Variants in NUP93 observed in about 807,000 individuals in gnomAD.
The protein encoded by NUP93 is nuclear pore complex protein Nup93.
In NUP93, 55 loss-of-function variants were observed where a neutral mutation model predicts 107.8. The ratio of observed to expected loss-of-function variants is 0.51; its 90% CI spans 0.41 to 0.64. The LOEUF is 0.64. Among genes scored for constraint, NUP93 ranks in the 30% least tolerant of loss-of-function variants. The pLI is 0.00. For synonymous variants in NUP93, 390 were observed against 397.5 expected, an observed-to-expected ratio of 0.98 and a Z score of 0.22; for missense variants, 937 against 1,044.7, an observed-to-expected ratio of 0.90 and a Z score of 1.42.
At chr16:56,776,273 CCTTTT>C (rs1368774857) in intron 3 of NUP93, among the ~76,000 whole-genome samples, 5 of 152,068 alleles carry the variant, frequency 3.3e-5, no homozygotes, top group African/African-American at 1.2e-4. Flanking sequence ...TTTTAATAAA[CCTTTT>C]CTTTCCGTTG....
At chr16:56,779,201 A>T (rs1962468883) in intron 3 of NUP93, among the ~76,000 whole-genome samples, 1 of 152,196 alleles carries the variant, frequency 6.6e-6, no homozygotes, top group South Asian at 2.1e-4. Flanking sequence ...GTAAAGTTCT[A>T]TATATGGTCA....
intron 19 of NUP93, 31 bp from the exon 20 acceptor site, chr16:56,839,490 G>T (rs1259601284): frequency 1.3e-6 from 2 of 1,565,116 alleles, no homozygotes; most frequent in African/African-American, 2.7e-5. Context: ...TGATGGTTGT[G>T]TTACATGGGG....
chr16:56,820,409 A>G (rs1377328779), intron 6 of NUP93, among the ~76,000 whole-genome samples: 1 of 152,208 alleles, frequency 6.6e-6, no homozygotes, highest in African/African-American at 2.4e-5. Context: ...TCTGCCTCCC[A>G]GATTCAAGTG....
Position 56,772,420 on chromosome 16 carries a change from AGTGATGGATTC to A in NUP93, c.297+13768_297+13778del, listed in dbSNP as rs1962338546. ...TTATGCCTTGCTGAGGAAGGCATCA[AGTGATGGATTC>A]GTTGAGTAAATGCCATATTATTCTT... On this transcript the variant is annotated intron_variant, in intron 3 of 21. Coordinates refer to ENST00000308159, the MANE Select transcript of NUP93 (RefSeq NM_014669.5). Among the ~76,000 whole-genome samples, 10 of 152,356 alleles carry A rather than the reference AGTGATGGATTC, an allele frequency of 6.6e-5. No homozygotes were observed. The South Asian group carries it at 2.1e-3, about 32-fold the overall frequency.
chr16:56,763,688 T>C (rs1221891136), intron 3 of NUP93, among the ~76,000 whole-genome samples: 1 of 152,142 alleles, frequency 6.6e-6, no homozygotes, highest in Non-Finnish European at 1.5e-5. Flanking sequence ...AATAGACCTG[T>C]TTTCCCCACA....
At chr16:56,833,194 C>T in intron 12 of NUP93, 21 bp from the exon 13 acceptor site, 1 of 1,542,726 alleles carries the variant, frequency 6.5e-7, no homozygotes, top group Non-Finnish European at 8.7e-7. Flanking sequence ...GTTTTATCTC[C>T]TCTCCTCTCC....
intron 18 of NUP93, among the ~76,000 whole-genome samples, chr16:56,838,516 A>C (rs749707713): frequency 2.6e-5 from 4 of 152,138 alleles, no homozygotes; most frequent in Non-Finnish European, 5.9e-5. Flanking sequence ...TACACTCTTT[A>C]ATTAACTTCA....
chr16:56,839,434 G>T, intron 19 of NUP93, 87 bp from the exon 20 acceptor site: 1 of 1,011,470 alleles, frequency 9.9e-7, no homozygotes, highest in South Asian at 1.7e-5. Context: ...AAGCCCTTTG[G>T]AGTATGTGAG....
At chr16:56,817,377 T>A (rs1192750538) in intron 5 of NUP93, among the ~76,000 whole-genome samples, 1 of 152,220 alleles carries the variant, frequency 6.6e-6, no homozygotes, top group Non-Finnish European at 1.5e-5. Context: ...CCCACTGTAC[T>A]CTTCCTTTTA....
chr16:56,795,557 C>G (rs1387033829), intron 3 of NUP93, among the ~76,000 whole-genome samples: 2 of 152,180 alleles, frequency 1.3e-5, no homozygotes, highest in African/African-American at 4.8e-5. Flanking sequence ...ATCCTACCCC[C>G]GTTATCAGTA....
chr16:56,793,173 G>A (rs546595534), intron 3 of NUP93, among the ~76,000 whole-genome samples: 18 of 152,334 alleles, frequency 1.2e-4, no homozygotes, highest in Non-Finnish European at 1.9e-4. Context: ...ACACATTTGA[G>A]GAGCCAGTCA....
intron 1 of NUP93, among the ~76,000 whole-genome samples, chr16:56,736,999 C>T (rs1961625246): frequency 6.6e-6 from 1 of 152,132 alleles, no homozygotes; most frequent in African/African-American, 2.4e-5. Flanking sequence ...GCTATTCCTT[C>T]TAAAAAACTG....
At position 56,849,161 on chromosome 16, in the gene NUP93, C is replaced by A. The variant is rs1964149179; in HGVS notation, c.*4552C>A. 6.6e-6 allele frequency: 1 copy of A among 152,218 alleles called. No individual in the cohort carries two copies. Among genetic ancestry groups the A allele is most frequent in the African/African-American group, 2.4e-5 (1 of 41,444 alleles). The allele number at this position is 152,218 out of a possible 1,614,324, so 9.4% of individuals were successfully genotyped here. On this transcript the variant is annotated 3_prime_UTR_variant, in exon 22 of 22. Transcript: ENST00000308159. ...GACTCCGTGATTCACCGTGGGGGCC[C>A]TTAATAGGCATTCAGTCTGAAAGAA...
chr16:56,742,020 T>C (rs1010233109), intron 1 of NUP93, among the ~76,000 whole-genome samples: 6 of 152,240 alleles, frequency 3.9e-5, no homozygotes, highest in African/African-American at 1.4e-4. Flanking sequence ...ATTTCTTGCA[T>C]AACTGGGCTG....
At chr16:56,788,211 C>T (rs1429229335) in intron 3 of NUP93, among the ~76,000 whole-genome samples, 4 of 152,178 alleles carry the variant, frequency 2.6e-5, no homozygotes, top group African/African-American at 9.7e-5. Flanking sequence ...CCCCTACCCT[C>T]CCAGGAGAGG....
Position 56,832,466 on chromosome 16 carries a change from T to G in NUP93, c.1345+78T>G, listed in dbSNP as rs1963815919. On this transcript the variant is annotated intron_variant, in intron 12 of 21. Transcript: ENST00000308159. ...TACTTCAGTTTTCCTCTGGGAAAAT[T>G]TTTCATCTCTGAACTTTTGTCTTTC... is the stretch of plus-strand genomic sequence containing the variant. 8.9e-6 allele frequency: 10 copies of G among 1,123,316 alleles called. No individual in the cohort carries two copies. In the South Asian group the frequency reaches 1.1e-4, roughly 13 times the overall value. The allele number at this position is 1,123,316 out of a possible 1,614,324, so 69.6% of individuals were successfully genotyped here. A position where few individuals can be genotyped will look rare whatever the true frequency, so the allele number is the denominator to read the frequency against.
intron 3 of NUP93, chr16:56,782,209 C>G: frequency 1.0e-6 from 1 of 985,304 alleles, no homozygotes; most frequent in Non-Finnish European, 1.2e-6. Context: ...AATTTAAGAG[C>G]TGCAGGTAGG....
intron 1 of NUP93, among the ~76,000 whole-genome samples, chr16:56,741,176 T>C (rs1354320673): frequency 6.6e-6 from 1 of 152,256 alleles, no homozygotes; most frequent in Admixed American, 6.5e-5. Context: ...TATAAAGTTG[T>C]GATTAAATAA....
chr16:56,777,780 T>C (rs8062292), intron 3 of NUP93, among the ~76,000 whole-genome samples: 57,112 of 152,050 alleles, frequency 0.38, 11,788 homozygotes, highest in East Asian at 0.54. Flanking sequence ...AGTGCCTCGG[T>C]ACATTGGCCA....
Sources: allele counts gnomAD v4.1 joint callset (sites outside exome capture counted in the v4.1 genomes callset), GRCh38; gene constraint gnomAD v4.1.1; transcripts MANE v1.5; gene names NCBI Gene and HGNC (gene_info 2026-07-23, HGNC 2026-07-21).